The following PGBD2 variants were observed in gnomAD, a reference collection of about 807,000 sequenced individuals.
PGBD2 encodes piggyBac transposable element-derived protein 2.
Under a neutral mutation model 8.1 loss-of-function variants are expected in PGBD2, and 6 were observed. The ratio of observed to expected loss-of-function variants is 0.74; its 90% CI spans 0.40 to 1.46. The LOEUF is 1.46. PGBD2 is among the 40% of genes most tolerant of loss of function. The probability of loss-of-function intolerance (pLI) is 0.02; values close to 1 mark genes in which losing one functional copy is unlikely to be tolerated. For missense variants in PGBD2, 802 were observed against 739.0 expected (o/e 1.09, Z -0.99); for synonymous variants, 318 against 272.2 (o/e 1.17, Z -1.66).
the PGBD2 span, among the ~76,000 whole-genome samples, chr1:248,892,411 G>T: frequency 6.6e-5 from 10 of 151,602 alleles, no homozygotes. Context: ...GTGTCATCTG[G>T]TCTGAGTTAG....
the PGBD2 span, among the ~76,000 whole-genome samples, chr1:248,874,963 T>C: frequency 3.4e-4 from 50 of 146,488 alleles, no homozygotes; most frequent in African/African-American, 1.3e-3. Flanking sequence ...GATAGACAAA[T>C]AGATAGAGAT....
In PGBD2 at chr1:248,911,185, T is replaced by C. The variant is rs533610559; in HGVS notation, c.-47-2631T>C. On this transcript the variant is annotated intron_variant, in intron 1 of 2. Transcript: ENST00000329291. ...CGGAGAGGGGGATTTGGCAGGGTCA[T>C]AGGATAATAGTGGAGGGAAGGTCAG... 3.8e-3 allele frequency among the ~76,000 whole-genome samples: 571 copies of C among 151,866 alleles called. 1 individual carries two copies. Among genetic ancestry groups the C allele is most frequent in the African/African-American group, 0.013 (526 of 41,352 alleles).
the PGBD2 span, among the ~76,000 whole-genome samples, chr1:248,891,833 GA>G: frequency 2.6e-5 from 4 of 151,402 alleles, no homozygotes; most frequent in East Asian, 3.9e-4. Context: ...TTTTAAAAAA[GA>G]AAAAAAAGTG....
At chr1:248,922,062 C>CTTT (rs977032872), downstream of PGBD2, among the ~76,000 whole-genome samples, 1 of 139,082 alleles carries the variant, frequency 7.2e-6, no homozygotes, top group African/African-American at 2.6e-5. Flanking sequence ...TTTCTTTTTT[C>CTTT]TTTTTTTTTT....
chr1:248,889,150 G>A, the PGBD2 span, among the ~76,000 whole-genome samples: 1 of 152,188 alleles, frequency 6.6e-6, no homozygotes, highest in African/African-American at 2.4e-5. Flanking sequence ...ACTTTGAGAG[G>A]CCAAGGTGGG....
the PGBD2 span, among the ~76,000 whole-genome samples, chr1:248,888,689 G>A: frequency 2.6e-5 from 4 of 152,106 alleles, no homozygotes; most frequent in Non-Finnish European, 5.9e-5. Context: ...TCTGTAGGTT[G>A]TCTGTTTATT....
chr1:248,882,999 T>G, the PGBD2 span, among the ~76,000 whole-genome samples: 419 of 152,360 alleles, frequency 2.8e-3, 5 homozygotes, highest in Non-Finnish European at 4.3e-4. Context: ...AAAAATGGTA[T>G]GTATGTATAT....
chr1:248,910,727 C>T (rs1661841499), intron 1 of PGBD2, among the ~76,000 whole-genome samples: 1 of 152,174 alleles, frequency 6.6e-6, no homozygotes, highest in Admixed American at 6.5e-5. Context: ...ATCACAATCA[C>T]ACACTTGGAT....
the PGBD2 span, among the ~76,000 whole-genome samples, chr1:248,925,474 C>T: frequency 1.2e-3 from 175 of 152,106 alleles, no homozygotes; most frequent in African/African-American, 3.9e-3. Flanking sequence ...ACTGTGCAAC[C>T]GGTGGCTTTT....
the PGBD2 span, among the ~76,000 whole-genome samples, chr1:248,893,914 G>A: frequency 3.3e-5 from 5 of 151,620 alleles, no homozygotes; most frequent in African/African-American, 1.2e-4. Flanking sequence ...TTTCTTTTTT[G>A]TTAATTGATT....
At position 248,917,840 on chromosome 1, in the gene PGBD2, T is replaced by C. The variant is rs759248398; in HGVS notation, c.1256T>C (p.Val419Ala). The C allele has an allele frequency of 1.2e-6, 2 of 1,614,166 alleles. No individual in the cohort carries two copies. ...TGCCGCTGGCACGATAGCAGCGTGG[T>C]CAACATTTGCTCCAATGCTGTGGGC... ...IVCRWHDSSV[V>A]NICSNAVGIE... is the part of the protein sequence containing the mutation. Residue 419 changes from valine (V) to alanine (A), a missense_variant, in exon 3 of 3, where the codon GTC becomes GCC. Physicochemically the swap from Val to Ala is moderately conservative, Grantham distance 64. Transcript: ENST00000329291.
the PGBD2 span, among the ~76,000 whole-genome samples, chr1:248,928,722 C>G: frequency 6.6e-6 from 1 of 152,188 alleles, no homozygotes; most frequent in South Asian, 2.1e-4. Flanking sequence ...AACAATTCTG[C>G]TTCACTTCAA....
the PGBD2 span, among the ~76,000 whole-genome samples, chr1:248,887,450 G>A: frequency 6.6e-6 from 1 of 152,100 alleles, no homozygotes; most frequent in Non-Finnish European, 1.5e-5. Flanking sequence ...TTAAATAGAG[G>A]ACATGCATTT....
chr1:248,875,102 C>G, the PGBD2 span, among the ~76,000 whole-genome samples: 2 of 151,944 alleles, frequency 1.3e-5, no homozygotes, highest in Non-Finnish European at 2.9e-5. Context: ...TCGAGACCAT[C>G]CCGGCTGACA....
the PGBD2 span, among the ~76,000 whole-genome samples, chr1:248,926,101 C>T: frequency 1.3e-5 from 2 of 152,022 alleles, no homozygotes; most frequent in East Asian, 1.9e-4. Context: ...ATCTGTCCCT[C>T]GAGGTGCTGC....
At position 248,906,326 on chromosome 1, in the gene PGBD2, C is replaced by T. The variant is rs1436447629; in HGVS notation, c.-64C>T. 2 of 151,844 alleles carry T rather than the reference C, an allele frequency of 1.3e-5. No homozygotes were observed. Among genetic ancestry groups the T allele is most frequent in the Non-Finnish European group, 2.9e-5 (2 of 67,976 alleles). 9.4% of individuals were successfully genotyped at this position (151,844 alleles called of 1,614,324 possible). On this transcript the variant is annotated 5_prime_UTR_variant, in exon 1 of 3. Transcript: ENST00000329291. ...GGTCCGGTTCGGGCTCGCGAGTCTC[C>T]GTCTGGGGTAGGGCAGGTAGGCCTC...
chr1:248,916,479 G>C, intron 2 of PGBD2, 123 bp from the exon 3 acceptor site: 1 of 743,102 alleles, frequency 1.3e-6, no homozygotes, highest in South Asian at 1.9e-5. Flanking sequence ...GGTGCCTTGT[G>C]ATGCCAGATC....
the PGBD2 span, among the ~76,000 whole-genome samples, chr1:248,884,208 A>C: frequency 1.3e-5 from 2 of 152,218 alleles, no homozygotes; most frequent in South Asian, 2.1e-4. Context: ...TTAATGAAAA[A>C]AACCAAACTC....
At chr1:248,927,446 G>A in the PGBD2 span, among the ~76,000 whole-genome samples, 5 of 152,326 alleles carry the variant, frequency 3.3e-5, no homozygotes, top group South Asian at 1.0e-3. Context: ...ATTCTAAACA[G>A]AGATCTTTTA....
Sources: allele counts gnomAD v4.1 joint callset (sites outside exome capture counted in the v4.1 genomes callset), GRCh38; gene constraint gnomAD v4.1.1; transcripts MANE v1.5; gene names NCBI Gene and HGNC (gene_info 2026-07-23, HGNC 2026-07-21).